ZFYVE9: variants seen among roughly 807,000 people sequenced by gnomAD.
The protein encoded by ZFYVE9 is zinc finger FYVE domain-containing protein 9.
Under a neutral mutation model 126.7 loss-of-function variants are expected in ZFYVE9, and 43 were observed. That is an observed-to-expected ratio of 0.34 (90% confidence interval 0.27 to 0.44). The LOEUF (loss-of-function observed/expected upper bound fraction) is 0.44, where lower values mean the gene tolerates loss of function less well. Ranked by LOEUF, ZFYVE9 falls within the 20% of genes least tolerant of loss-of-function variation. The pLI, the probability that ZFYVE9 is intolerant of heterozygous loss-of-function variation, is 1.00. For synonymous variants in ZFYVE9, 521 were observed against 597.4 expected (o/e 0.87, Z 1.87); for missense variants, 1,476 against 1,697.0 (o/e 0.87, Z 2.29).
intron 1 of ZFYVE9, among the ~76,000 whole-genome samples, chr1:52,192,245 G>A (rs1210074565): frequency 1.3e-5 from 2 of 152,180 alleles, no homozygotes; most frequent in African/African-American, 4.8e-5. Context: ...TGCTTTTTCT[G>A]TGTAAAAGCA....
chr1:52,145,899 ATTTTCAGAG>A (rs890933436), intron 1 of ZFYVE9, among the ~76,000 whole-genome samples: 3 of 151,930 alleles, frequency 2.0e-5, no homozygotes, highest in African/African-American at 7.3e-5. Context: ...CAAATTATTT[ATTTTCAGAG>A]TTTTACATTG....
intron 13 of ZFYVE9, among the ~76,000 whole-genome samples, chr1:52,325,880 T>A (rs1306027773): frequency 6.6e-6 from 1 of 152,226 alleles, no homozygotes; most frequent in African/African-American, 2.4e-5. Flanking sequence ...TGGAAGTACA[T>A]GATGTGTTAA....
At chr1:52,320,800 A>G (rs1421797049) in intron 13 of ZFYVE9, among the ~76,000 whole-genome samples, 1 of 152,194 alleles carries the variant, frequency 6.6e-6, no homozygotes, top group Non-Finnish European at 1.5e-5. Context: ...TTATGAGTAT[A>G]TGCACATGTC....
chr1:52,204,826 T>C (rs1017938064), intron 1 of ZFYVE9, among the ~76,000 whole-genome samples: 3 of 152,206 alleles, frequency 2.0e-5, no homozygotes, highest in Non-Finnish European at 4.4e-5. Flanking sequence ...ATTTCCCCCT[T>C]GATGCTGTGA....
intron 4 of ZFYVE9, 39 bp downstream of exon 4, chr1:52,239,634 A>G (rs990673095): frequency 4.4e-6 from 7 of 1,573,846 alleles, no homozygotes; most frequent in Non-Finnish European, 6.1e-6. Context: ...GGGCATGCAC[A>G]TTTTGTAATG....
At chr1:52,285,837 A>T (rs187707657) in intron 10 of ZFYVE9, among the ~76,000 whole-genome samples, 10 of 152,246 alleles carry the variant, frequency 6.6e-5, no homozygotes, top group Non-Finnish European at 1.0e-4. Context: ...CCCTGGTGCC[A>T]AAAAGGTTGG....
chr1:52,227,321 C>T (rs983485553), intron 2 of ZFYVE9, among the ~76,000 whole-genome samples: 1 of 151,992 alleles, frequency 6.6e-6, no homozygotes, highest in African/African-American at 2.4e-5. Context: ...AGATAGTGCC[C>T]TCTTTTCTGC....
intron 1 of ZFYVE9, among the ~76,000 whole-genome samples, chr1:52,181,192 C>T (rs950215158): frequency 1.2e-4 from 18 of 152,292 alleles, no homozygotes; most frequent in Admixed American, 9.2e-4. Flanking sequence ...GCCTGATTCT[C>T]CTGCCTCAGC....
chr1:52,151,215 A>C (rs987581530), intron 1 of ZFYVE9, among the ~76,000 whole-genome samples: 7 of 151,868 alleles, frequency 4.6e-5, no homozygotes, highest in Non-Finnish European at 8.8e-5. Flanking sequence ...TGATTCTTTT[A>C]CCTTGTATTA....
intron 4 of ZFYVE9, among the ~76,000 whole-genome samples, chr1:52,246,857 G>C (rs1332954157): frequency 6.6e-6 from 1 of 151,896 alleles, no homozygotes; most frequent in Non-Finnish European, 1.5e-5. Context: ...ACAGGCACCT[G>C]CCACCACACC....
intron 4 of ZFYVE9, among the ~76,000 whole-genome samples, chr1:52,259,236 A>G (rs909589829): frequency 6.6e-6 from 1 of 152,030 alleles, no homozygotes; most frequent in Non-Finnish European, 1.5e-5. Flanking sequence ...TAAGGGTATC[A>G]GTCATGTTGG....
chr1:52,259,832 A>G (rs950569207), intron 4 of ZFYVE9, among the ~76,000 whole-genome samples: 3 of 152,160 alleles, frequency 2.0e-5, no homozygotes, highest in Admixed American at 1.3e-4. Flanking sequence ...TTCCATTCCA[A>G]TCTCATCCTC....
chr1:52,227,971 A>G (rs1005483384), intron 2 of ZFYVE9, among the ~76,000 whole-genome samples: 3 of 151,554 alleles, frequency 2.0e-5, no homozygotes, highest in African/African-American at 7.3e-5. Flanking sequence ...ATGGACTGCC[A>G]CTCTTCAGTT....
intron 13 of ZFYVE9, among the ~76,000 whole-genome samples, chr1:52,314,432 A>T (rs79049181): frequency 0.03 from 4,564 of 152,314 alleles, 168 homozygotes; most frequent in African/African-American, 0.086. Context: ...CCATAATCCC[A>T]GCACTTTGGA....
Position 52,266,819 on chromosome 1 carries a change from C to T in ZFYVE9, c.2443C>T (p.Pro815Ser), listed in dbSNP as rs1467811790. ...GGTACCTGTGGGAGTTTTAAAGCAC[C>T]CTGGAGCAGAAGGTAGGGGATCATG... ...VMVPVGVLKHPGAEVAQPREQ... is the reference protein window; with the variant it reads ...VMVPVGVLKHSGAEVAQPREQ... Residue 815 changes from proline (P) to serine (S), a missense_variant, in exon 6 of 19, where the codon CCT (proline) becomes TCT (serine). Pro to Ser is a moderately conservative substitution (Grantham distance 74). Around this residue, in one of 2 missense-constraint regions of ZFYVE9, gnomAD observed 669 missense variants for 902.4 expected, o/e 0.74. Transcript: ENST00000287727. 2 of 1,599,026 alleles carry T rather than the reference C, an allele frequency of 1.3e-6. No individual in the cohort carries two copies. Among genetic ancestry groups the T allele is most frequent in the African/African-American group, 1.3e-5 (1 of 74,212 alleles).
chr1:52,233,605 A>G (rs1645244697), intron 3 of ZFYVE9, among the ~76,000 whole-genome samples: 1 of 152,222 alleles, frequency 6.6e-6, no homozygotes, highest in African/African-American at 2.4e-5. Flanking sequence ...TACCCTATAC[A>G]ATGAATGTAT....
rs142357296 is a variant in ZFYVE9 at position 52,305,164 on chromosome 1, A to G, written c.3438+1239A>G. On this transcript the variant is annotated intron_variant, in intron 13 of 18. Transcript: ENST00000287727. ...ATAAGAACATTAGGCCTGCTGGCCA[A>G]GCGCGATGGCTCACACTTGTAATCC... Among the ~76,000 whole-genome samples, 329 of 152,332 alleles carry G rather than the reference A, an allele frequency of 2.2e-3. 2 individuals are homozygous for G. Among genetic ancestry groups the G allele is most frequent in the African/African-American group, 7.2e-3 (301 of 41,570 alleles).
Position 52,238,184 on chromosome 1 carries a change from C to A in ZFYVE9, c.767C>A (p.Pro256His). 1 of 1,614,038 alleles carries A rather than the reference C, an allele frequency of 6.2e-7. No homozygotes were observed. Among genetic ancestry groups the A allele is most frequent in the African/African-American group, 1.3e-5 (1 of 75,012 alleles). The stretch of plus-strand genomic sequence containing the variant: ...GATGACGGAAGTATAGGTAGAGACC[C>A]CTCCATGTCTGCGATTACAAGTTTA... ...LKDDGSIGRDPSMSAITSLTV... is the reference protein window; with the variant it reads ...LKDDGSIGRDHSMSAITSLTV... The change falls in exon 4 of 19, where the codon CCC becomes CAC. Residue 256 changes from proline (P) to histidine (H), a missense_variant. Physicochemically the swap from Pro to His is moderately conservative, Grantham distance 77. Around this residue, in one of 2 missense-constraint regions of ZFYVE9, gnomAD observed 807 missense variants for 794.6 expected, o/e 1.02. Transcript: ENST00000287727.
intron 18 of ZFYVE9, chr1:52,345,788 T>C: frequency 3.3e-6 from 1 of 306,386 alleles, no homozygotes; most frequent in Non-Finnish European, 6.0e-6. Context: ...TGATACTCCA[T>C]ACCTTTTTAC....
Sources: allele counts gnomAD v4.1 joint callset (sites outside exome capture counted in the v4.1 genomes callset), GRCh38; gene constraint gnomAD v4.1.1; regional missense constraint gnomAD v4.1.1; transcripts MANE v1.5; gene names NCBI Gene and HGNC (gene_info 2026-07-23, HGNC 2026-07-21).